The following PCSK1 variants were observed in gnomAD, a reference collection of about 807,000 sequenced individuals.
PCSK1 encodes the protein proprotein convertase subtilisin/kexin type 1.
Under a neutral mutation model 90.6 loss-of-function variants are expected in PCSK1, and 56 were observed. The observed-to-expected ratio is 0.62, with a 90% CI of 0.50 to 0.77. The LOEUF is 0.77. Ranked by LOEUF, PCSK1 falls within the 30% of genes least tolerant of loss-of-function variation. The pLI is 0.00. For missense variants in PCSK1, 801 were observed against 932.6 expected, an observed-to-expected ratio of 0.86 and a Z score of 1.84; for synonymous variants, 348 against 342.4, an observed-to-expected ratio of 1.02 and a Z score of -0.18.
In PCSK1 at chr5:96,393,258, G is replaced by A. The variant is rs1291082901; in HGVS notation, c.2005C>T (p.Arg669Ter). ...TTACTGAAAGCACTTTGCAGGAGTC[G>A]CAGCATGGCCTGGGAAGGGGCTCCC... The part of the protein sequence containing the change: ...EEGAPSQAML[R>*]LLQSAFSKNS... The change falls in exon 14 of 14, where the codon CGA (arginine) becomes TGA (stop). Residue 669 changes from arginine to a stop codon, truncating the protein, a stop_gained. Transcript: ENST00000311106. LOFTEE classifies it high-confidence loss of function. The A allele has an allele frequency of 5.6e-6, 9 of 1,613,960 alleles. No homozygotes were observed. The highest frequency in any genetic ancestry group is 4.5e-5 in the East Asian group (2 of 44,862).
intron 5 of PCSK1, among the ~76,000 whole-genome samples, chr5:96,419,830 TG>T (rs1167716047): frequency 6.6e-6 from 1 of 152,162 alleles, no homozygotes; most frequent in Non-Finnish European, 1.5e-5. Context: ...AATGCTGTGC[TG>T]TGAGATCCCC....
rs532907254 is a variant in PCSK1 at position 96,403,906 on chromosome 5, C to G, written c.1197-3720G>C. The stretch of plus-strand genomic sequence containing the variant: ...TCTCTTTCTCCAGGTTTTAATAAGA[C>G]CAGAAGTTTGGCTTATCTGTTTGTT... On this transcript the variant is annotated intron_variant, in intron 9 of 13. Coordinates refer to ENST00000311106, the MANE Select transcript of PCSK1 (RefSeq NM_000439.5). Among the ~76,000 whole-genome samples the G allele has an allele frequency of 1.4e-3, 220 of 152,258 alleles. 1 individual carries two copies. The highest frequency in any genetic ancestry group is 2.0e-3 in the Non-Finnish European group (138 of 68,024).
intron 13 of PCSK1, 135 bp downstream of exon 13, chr5:96,394,729 G>C: frequency 1.3e-6 from 1 of 791,804 alleles, no homozygotes; most frequent in Non-Finnish European, 2.3e-6. Flanking sequence ...GAAAAGAATA[G>C]TTTACCACTA....
intron 5 of PCSK1, among the ~76,000 whole-genome samples, chr5:96,420,815 G>A (rs1036111743): frequency 6.6e-6 from 1 of 151,986 alleles, no homozygotes; most frequent in African/African-American, 2.4e-5. Flanking sequence ...GAGAGACAGA[G>A]ACAGACTTGT....
In PCSK1 at chr5:96,400,201, AC is replaced by A; in HGVS notation, c.1197-16del. On this transcript the variant is annotated splice_polypyrimidine_tract_variant and intron_variant, in intron 9 of 13. Coordinates refer to ENST00000311106, the MANE Select transcript of PCSK1 (RefSeq NM_000439.5). ...TGAGATTTGGGCTGGAGGGGAAGTG[AC>A]CCAAAGTGTCTTTCAGAGAAAAATG... 1 of 1,570,166 alleles carries A rather than the reference AC, an allele frequency of 6.4e-7. No individual in the cohort carries two copies. Among genetic ancestry groups the A allele is most frequent in the Non-Finnish European group, 8.8e-7 (1 of 1,139,842 alleles).
At position 96,396,463 on chromosome 5, in the gene PCSK1, A is replaced by G. The variant is rs180819061; in HGVS notation, c.1722+873T>C. Among the ~76,000 whole-genome samples the G allele has an allele frequency of 8.1e-3, 1,230 of 151,734 alleles. 7 individuals are homozygous for G. The highest frequency in any genetic ancestry group is 0.014 in the Non-Finnish European group (940 of 67,946). The stretch of plus-strand genomic sequence containing the variant: ...GTAATTCCAGCTAGTCGGGAGGCTG[A>G]GGCAGGAGAAGCGCTTGAACCCAGG... On this transcript the variant is annotated intron_variant, in intron 12 of 13. Transcript: ENST00000311106.
At position 96,423,213 on chromosome 5, in the gene PCSK1, T is replaced by C. The variant is rs1460160422; in HGVS notation, c.543+100A>G. ...AACCTTGGCCCATAATCCCAGGGAC[T>C]GACACCAGAGCAGCATCCCCTTGAA... On this transcript the variant is annotated intron_variant, in intron 4 of 13. Coordinates refer to ENST00000311106, the MANE Select transcript of PCSK1 (RefSeq NM_000439.5). The C allele has an allele frequency of 2.6e-6, 3 of 1,169,790 alleles. No homozygotes were observed. The South Asian group carries it at 3.9e-5, about 15-fold the overall frequency. 72.5% of individuals were successfully genotyped at this position (1,169,790 alleles called of 1,614,324 possible). A position where few individuals can be genotyped will look rare whatever the true frequency, so the allele number is the denominator to read the frequency against.
chr5:96,419,028 C>T (rs939670361), intron 5 of PCSK1, among the ~76,000 whole-genome samples: 1 of 151,900 alleles, frequency 6.6e-6, no homozygotes, highest in East Asian at 1.9e-4. Context: ...TACCAGTGTC[C>T]AAGCCATATA....
intron 7 of PCSK1, 82 bp downstream of exon 7, chr5:96,412,236 A>G (rs1403907825): frequency 5.1e-6 from 6 of 1,174,270 alleles, no homozygotes; most frequent in African/African-American, 3.0e-5. Flanking sequence ...ATGTTATTCC[A>G]TGTAACCTAA....
At chr5:96,407,647 G>A (rs1401619669) in intron 9 of PCSK1, among the ~76,000 whole-genome samples, 2 of 152,150 alleles carry the variant, frequency 1.3e-5, no homozygotes, top group African/African-American at 4.8e-5. Context: ...TACTGACAAT[G>A]GTGTTTAAGC....
chr5:96,408,556 G>A (rs1048361963), intron 8 of PCSK1, among the ~76,000 whole-genome samples: 4 of 152,150 alleles, frequency 2.6e-5, no homozygotes, highest in African/African-American at 4.8e-5. Flanking sequence ...CCTTTTCTGG[G>A]GATGAAGTAC....
rs11317408 is a variant in PCSK1 at position 96,421,993 on chromosome 5, TAAAAAAAAAAAAAAAAA to T, written c.544-54_544-38del. On this transcript the variant is annotated intron_variant, in intron 4 of 13. Transcript: ENST00000311106. ...ACAAAATATAACACTGTGGCAGCAT[TAAAAAAAAAAAAAAAAA>T]AAAAAAAAAGCATCACTTCCCAAGC... The T allele has an allele frequency of 0.016, 5,742 of 358,606 alleles. 426 individuals carry two copies. In the African/African-American group the frequency reaches 0.25, roughly 15 times the overall value. The allele number at this position is 358,606 out of a possible 1,614,324, so 22.2% of individuals were successfully genotyped here.
At chr5:96,427,950 G>T (rs1211016808) in intron 2 of PCSK1, among the ~76,000 whole-genome samples, 1 of 152,146 alleles carries the variant, frequency 6.6e-6, no homozygotes, top group Non-Finnish European at 1.5e-5. Context: ...AAGGTCCAGG[G>T]CCTCTGATTT....
chr5:96,391,972 A>G lies in PCSK1; in HGVS notation c.*1029T>C, dbSNP rs1389424007. 6.6e-6 allele frequency: 1 copy of G among 152,216 alleles called. No homozygotes were observed. The highest frequency in any genetic ancestry group is 1.5e-5 in the Non-Finnish European group (1 of 68,038). The allele number at this position is 152,216 out of a possible 1,614,324, so 9.4% of individuals were successfully genotyped here. ...GGATTGGAGAAGAACTTTTAGTATCAAGGAATAAACATTCAGTTTCAAATA... is the reference window on the plus strand; with the variant it reads ...GGATTGGAGAAGAACTTTTAGTATCGAGGAATAAACATTCAGTTTCAAATA... On this transcript the variant is annotated 3_prime_UTR_variant, in exon 14 of 14. Coordinates refer to ENST00000311106, the MANE Select transcript of PCSK1 (RefSeq NM_000439.5).
At chr5:96,403,001 G>A (rs926641133) in intron 9 of PCSK1, among the ~76,000 whole-genome samples, 1 of 152,156 alleles carries the variant, frequency 6.6e-6, no homozygotes, top group Non-Finnish European at 1.5e-5. Context: ...CAGTCAATGG[G>A]CAACACACCA....
At chr5:96,415,423 A>G (rs1351489007) in intron 6 of PCSK1, among the ~76,000 whole-genome samples, 1 of 152,186 alleles carries the variant, frequency 6.6e-6, no homozygotes, top group Admixed American at 6.5e-5. Flanking sequence ...AGGTGATAAC[A>G]TCTGCCTACC....
At position 96,432,808 on chromosome 5, in the gene PCSK1, A is replaced by C; in HGVS notation, c.180+55T>G. The stretch of plus-strand genomic sequence containing the variant: ...GCTCCCACTTGGAAGACCGCGCTCC[A>C]GTCCCGCCAGTCCCCTGGGGCCCCA... On this transcript the variant is annotated intron_variant, in intron 1 of 13. Coordinates refer to ENST00000311106, the MANE Select transcript of PCSK1 (RefSeq NM_000439.5). The C allele has an allele frequency of 6.1e-6, 9 of 1,468,360 alleles. No individual in the cohort carries two copies. The South Asian group carries it at 1.0e-4, about 17-fold the overall frequency. 91.0% of individuals were successfully genotyped at this position (1,468,360 alleles called of 1,614,324 possible).
intron 1 of PCSK1, chr5:96,432,259 A>C: frequency 1.0e-5 from 8 of 768,784 alleles, no homozygotes; most frequent in East Asian, 2.7e-5. Flanking sequence ...TTCACCCACC[A>C]TTTCTCCCCC....
At chr5:96,427,165 A>G (rs1358274356) in intron 2 of PCSK1, among the ~76,000 whole-genome samples, 2 of 152,216 alleles carry the variant, frequency 1.3e-5, no homozygotes, top group African/African-American at 4.8e-5. Context: ...GATTTGAAAG[A>G]ATATTATCCT....
Sources: allele counts gnomAD v4.1 joint callset (sites outside exome capture counted in the v4.1 genomes callset), GRCh38; gene constraint gnomAD v4.1.1; transcripts MANE v1.5; gene names NCBI Gene and HGNC (gene_info 2026-07-23, HGNC 2026-07-21).